The following FN3K variants were observed in gnomAD, a reference collection of about 807,000 sequenced individuals.
FN3K encodes the protein fructosamine 3 kinase.
In FN3K, 24 loss-of-function variants were observed where a neutral mutation model predicts 24.8. The observed-to-expected ratio is 0.97, with a 90% CI of 0.70 to 1.36. The LOEUF (loss-of-function observed/expected upper bound fraction) is 1.36. Ranked by LOEUF, FN3K falls within the 40% of genes most tolerant of loss-of-function variation. FN3K has a pLI of 0.00. For synonymous variants in FN3K, 192 were observed against 175.2 expected (o/e 1.10, Z -0.76); for missense variants, 449 against 416.7 (o/e 1.08, Z -0.67).
chr17:82,738,316 C>CGG (rs3840055), intron 1 of FN3K, 173 bp from the exon 2 acceptor site: 6 of 743,674 alleles, frequency 8.1e-6, no homozygotes, highest in Non-Finnish European at 1.3e-5. Flanking sequence ...TCGTCTCCGA[C>CGG]GGGGGGCCCC....
rs187686510 is a variant in FN3K at position 82,737,196 on chromosome 17, G to A, written c.142-1293G>A. Among the ~76,000 whole-genome samples, 535 of 152,322 alleles carry A rather than the reference G, an allele frequency of 3.5e-3. 2 individuals carry two copies. Among genetic ancestry groups the A allele is most frequent in the Non-Finnish European group, 3.7e-3 (250 of 68,016 alleles). ...GGTACTTTGAAGGAAAGGGCGTTCT[G>A]TTCGTGTGCACCAGCAGATGCTTTG... On this transcript the variant is annotated intron_variant, in intron 1 of 5. Coordinates refer to ENST00000300784, the MANE Select transcript of FN3K (RefSeq NM_022158.4).
rs564473656 is a variant in FN3K at position 82,751,155 on chromosome 17, G to C, written c.*400G>C. On this transcript the variant is annotated 3_prime_UTR_variant, in exon 6 of 6. Transcript: ENST00000300784. Reference sequence around the variant, plus strand: ...GTCCCCCTTCCCCCGACCCCTCCCAGATCCTGGGGACCAATAAAGCCCGCA... The same window carrying C: ...GTCCCCCTTCCCCCGACCCCTCCCACATCCTGGGGACCAATAAAGCCCGCA... 10 of 65,354 alleles carry C rather than the reference G, an allele frequency of 1.5e-4. No individual in the cohort carries two copies. Among genetic ancestry groups the C allele is most frequent in the African/African-American group, 8.5e-4 (9 of 10,528 alleles). 4.0% of individuals were successfully genotyped at this position (65,354 alleles called of 1,614,324 possible).
At chr17:82,746,139 G>A (rs1222194149) in intron 4 of FN3K, among the ~76,000 whole-genome samples, 1 of 149,788 alleles carries the variant, frequency 6.7e-6, no homozygotes, top group Non-Finnish European at 1.5e-5. Flanking sequence ...CAAAGTGGTT[G>A]CACCATGTTG....
rs1212345110 is a variant in FN3K at position 82,741,360 on chromosome 17, C to T, written c.435C>T (p.Phe145=). ...CTCAGTATGTGGACAAGTTCGGCTT[C>T]CACACGGTGACGTGCTGCGGCTTCA... ...AEPQYVDKFG[F]HTVTCCGFIP... is the part of the protein sequence containing the mutation. Residue 145 remains phenylalanine, a synonymous_variant, in exon 4 of 6, where the codon TTC becomes TTT. Coordinates refer to ENST00000300784, the MANE Select transcript of FN3K (RefSeq NM_022158.4). The T allele has an allele frequency of 1.9e-6, 3 of 1,613,812 alleles. No homozygotes were observed. Among genetic ancestry groups the T allele is most frequent in the African/African-American group, 2.7e-5 (2 of 74,912 alleles).
chr17:82,738,925 C>CGT (rs1261335715), intron 2 of FN3K, among the ~76,000 whole-genome samples: 3,520 of 102,772 alleles, frequency 0.034, 280 homozygotes, highest in African/African-American at 0.074. Flanking sequence ...TATATATACA[C>CGT]ATATATATAT....
At position 82,748,899 on chromosome 17, in the gene FN3K, C is replaced by T. The variant is rs1568071100; in HGVS notation, c.513C>T (p.His171=). ...QDDWPTFFAR[H]RLQAQLDLIE... is the part of the protein sequence containing the mutation. Reference sequence around the variant, plus strand: ...ACTGGCCGACCTTTTTCGCCCGGCACCGGCTCCAGGCGCAGCTGGACCTCA... The same window carrying T: ...ACTGGCCGACCTTTTTCGCCCGGCATCGGCTCCAGGCGCAGCTGGACCTCA... The change falls in exon 5 of 6, where the codon CAC becomes CAT. Residue 171 remains histidine, a synonymous_variant. Transcript: ENST00000300784. 1 of 1,613,752 alleles carries T rather than the reference C, an allele frequency of 6.2e-7. No homozygotes were observed. The highest frequency in any genetic ancestry group is 1.7e-5 in the Admixed American group (1 of 60,002).
rs377521321 is a variant in FN3K, at chr17:82,750,794, T to C, written c.*39T>C. 1.4e-4 allele frequency: 211 copies of C among 1,478,942 alleles called. No homozygotes were observed. In the African/African-American group the frequency reaches 2.0e-3, roughly 14 times the overall value. The allele number at this position is 1,478,942 out of a possible 1,614,324, so 91.6% of individuals were successfully genotyped here. A position where few individuals can be genotyped will look rare whatever the true frequency, so the allele number is the denominator to read the frequency against. On this transcript the variant is annotated 3_prime_UTR_variant, in exon 6 of 6. Transcript: ENST00000300784. ...CCCTTCCCCTGTCCCCGTCCCCGTCTCCGTCTCCCCGTCCCTGTCCCCCCG... is the reference window on the plus strand; with the variant it reads ...CCCTTCCCCTGTCCCCGTCCCCGTCCCCGTCTCCCCGTCCCTGTCCCCCCG...
chr17:82,741,607 A>G, intron 4 of FN3K: 1 of 527,912 alleles, frequency 1.9e-6, no homozygotes, highest in Non-Finnish European at 3.5e-6. Context: ...GGGCAGGCAG[A>G]TCAGCATTCC....
intron 4 of FN3K, chr17:82,742,506 G>T (rs1369115145): frequency 2.9e-6 from 1 of 340,690 alleles, no homozygotes; most frequent in East Asian, 8.0e-5. Flanking sequence ...CTTTCATTCA[G>T]CATCATGTTT....
At chr17:82,749,166 CA>C in intron 5 of FN3K, 189 bp downstream of exon 5, 4 of 847,702 alleles carry the variant, frequency 4.7e-6, no homozygotes, top group Non-Finnish European at 7.6e-6. Context: ...GGAGTGAAGA[CA>C]CACTTGGCTC....
rs2047019750 is a variant in FN3K at position 82,750,824 on chromosome 17, CCGTCCCT to C, written c.*70_*76del. 5.4e-6 allele frequency: 7 copies of C among 1,301,374 alleles called. No homozygotes were observed. Among genetic ancestry groups the C allele is most frequent in the Admixed American group, 2.0e-5 (1 of 48,942 alleles). The allele number at this position is 1,301,374 out of a possible 1,614,324, so 80.6% of individuals were successfully genotyped here. A position where few individuals can be genotyped will look rare whatever the true frequency, so the allele number is the denominator to read the frequency against. On this transcript the variant is annotated 3_prime_UTR_variant, in exon 6 of 6. Coordinates refer to ENST00000300784, the MANE Select transcript of FN3K (RefSeq NM_022158.4). ...CTCCCCGTCCCTGTCCCCCCGTCCC[CCGTCCCT>C]GTGCCCCCGTCCCTGTCCCCCTGTT... is the stretch of plus-strand genomic sequence containing the variant.
chr17:82,737,041 T>C (rs2046906338), intron 1 of FN3K, among the ~76,000 whole-genome samples: 1 of 152,024 alleles, frequency 6.6e-6, no homozygotes, highest in Non-Finnish European at 1.5e-5. Flanking sequence ...GCCTGGTGCA[T>C]GGGGGGCTCG....
chr17:82,749,011 T>A, intron 5 of FN3K, 34 bp downstream of exon 5: 1 of 1,613,870 alleles, frequency 6.2e-7, no homozygotes, highest in Non-Finnish European at 8.5e-7. Flanking sequence ...GGGAAAGAGC[T>A]GGTCCTCTCA....
chr17:82,741,766 T>G (rs1429748130), intron 4 of FN3K, among the ~76,000 whole-genome samples: 1 of 152,236 alleles, frequency 6.6e-6, no homozygotes, highest in Non-Finnish European at 1.5e-5. Context: ...TTACAAATTA[T>G]TATTTATTTA....
At chr17:82,742,746 T>C (rs1014824050) in intron 4 of FN3K, 1 of 456,010 alleles carries the variant, frequency 2.2e-6, no homozygotes, top group African/African-American at 2.0e-5. Context: ...GACCATATTT[T>C]GGTTTTGTTA....
At chr17:82,745,756 GA>G (rs1197691943) in intron 4 of FN3K, 1 of 152,116 alleles carries the variant, frequency 6.6e-6, no homozygotes, top group African/African-American at 2.4e-5. Context: ...AAATACCTAG[GA>G]GGGGGATGAC....
In FN3K at chr17:82,735,903, G is replaced by C. The variant is rs970559045; in HGVS notation, c.141+126G>C. 3.1e-6 allele frequency: 4 copies of C among 1,285,480 alleles called. No homozygotes were observed. The Middle Eastern group carries it at 7.8e-4, about 251-fold the overall frequency. The allele number at this position is 1,285,480 out of a possible 1,614,324, so 79.6% of individuals were successfully genotyped here. A position where few individuals can be genotyped will look rare whatever the true frequency, so the allele number is the denominator to read the frequency against. On this transcript the variant is annotated intron_variant, in intron 1 of 5. Coordinates refer to ENST00000300784, the MANE Select transcript of FN3K (RefSeq NM_022158.4). ...AGGGGTCAGCTTTGGCCCTTGGGAG[G>C]TGGCACCTGCTGGGTGAGCCCGGCT...
In FN3K at chr17:82,738,461, G is replaced by A. The variant is rs762817203; in HGVS notation, c.142-28G>A. ...GCAGAGGCCCTGGCTGAGTCAACAA[G>A]GCTGACAAGGCTGTGTTCTGGATGC... On this transcript the variant is annotated intron_variant, in intron 1 of 5. Coordinates refer to ENST00000300784, the MANE Select transcript of FN3K (RefSeq NM_022158.4). The A allele has an allele frequency of 1.9e-6, 3 of 1,611,600 alleles. No individual in the cohort carries two copies. In the South Asian group the frequency reaches 3.3e-5, roughly 18 times the overall value.
At chr17:82,741,833 T>C (rs1257207922) in intron 4 of FN3K, among the ~76,000 whole-genome samples, 1 of 152,258 alleles carries the variant, frequency 6.6e-6, no homozygotes, top group Non-Finnish European at 1.5e-5. Context: ...TTAGAATTAA[T>C]TGGTTTTTAG....
Sources: allele counts gnomAD v4.1 joint callset (sites outside exome capture counted in the v4.1 genomes callset), GRCh38; gene constraint gnomAD v4.1.1; transcripts MANE v1.5; gene names NCBI Gene and HGNC (gene_info 2026-07-23, HGNC 2026-07-21).